The following ZNF492 variants were observed in gnomAD, a reference collection of about 807,000 sequenced individuals.
ZNF492 encodes zinc finger protein 492, also known as zinc finger protein 115 (Y20).
A neutral mutation model predicts 6.4 loss-of-function variants in ZNF492; 3 were observed. That is an observed-to-expected ratio of 0.47 (90% CI 0.21 to 1.22). The LOEUF is 1.22. Among genes scored for constraint, ZNF492 ranks in the 50% most tolerant of loss-of-function variants. The pLI, the probability that ZNF492 is intolerant of heterozygous loss-of-function variation, is 0.22. For missense variants in ZNF492, 356 were observed against 612.5 expected, an observed-to-expected ratio of 0.58 and a Z score of 4.42; for synonymous variants, 112 against 205.3, an observed-to-expected ratio of 0.55 and a Z score of 3.89.
chr19:22,667,588 G>A lies in ZNF492; in HGVS notation c.*2323G>A, dbSNP rs1172556902. The A allele has an allele frequency of 3.3e-5, 5 of 151,792 alleles. No homozygotes were observed. In the East Asian group the frequency reaches 5.8e-4, roughly 18 times the overall value. The allele number at this position is 151,792 out of a possible 1,614,324, so 9.4% of individuals were successfully genotyped here. A position where few individuals can be genotyped will look rare whatever the true frequency, so the allele number is the denominator to read the frequency against. The stretch of plus-strand genomic sequence containing the variant: ...AAATATACGATTGTTATTGACTACA[G>A]GGTTATTTTTATAATAAAAATTATA... On this transcript the variant is annotated 3_prime_UTR_variant, in exon 4 of 4. Coordinates refer to ENST00000456783, the MANE Select transcript of ZNF492 (RefSeq NM_020855.3).
chr19:22,664,673 A>G lies in ZNF492; in HGVS notation c.1004A>G (p.Lys335Arg), dbSNP rs1426977004. Reference protein sequence around the residue: ...TTHKRIHSGEKPYKCEECGKA... With the variant: ...TTHKRIHSGERPYKCEECGKA... Reference sequence around the variant, plus strand: ...CATAAGAGAATTCATTCTGGAGAGAAACCCTACAAGTGTGAAGAATGTGGC... The same window carrying G: ...CATAAGAGAATTCATTCTGGAGAGAGACCCTACAAGTGTGAAGAATGTGGC... Residue 335 changes from lysine to arginine, a missense_variant, in exon 4 of 4, where the codon AAA becomes AGA. By Grantham distance (26) the Lys-to-Arg change is conservative (BLOSUM62 2). This residue lies in a region of ZNF492 where 29 missense variants were observed against 56.8 expected (regional missense o/e 0.51). Transcript: ENST00000456783. The G allele has an allele frequency of 6.2e-7, 1 of 1,610,348 alleles. No individual in the cohort carries two copies. The highest frequency in any genetic ancestry group is 1.3e-5 in the African/African-American group (1 of 74,678).
chr19:22,663,777 T>C (rs1443999691), intron 3 of ZNF492, 23 bp from the exon 4 acceptor site: 1 of 1,469,766 alleles, frequency 6.8e-7, no homozygotes, highest in African/African-American at 1.4e-5. Context: ...AGTGAAGTAA[T>C]TTATTATTTT....
intron 3 of ZNF492, among the ~76,000 whole-genome samples, chr19:22,663,094 C>T (rs937523786): frequency 1.4e-3 from 211 of 152,182 alleles, no homozygotes; most frequent in African/African-American, 4.8e-3. Context: ...TTTAATCCAT[C>T]TTGAATTAAT....
intron 3 of ZNF492, 142 bp from the exon 4 acceptor site, chr19:22,663,658 T>C: frequency 1.3e-6 from 1 of 786,064 alleles, no homozygotes; most frequent in Non-Finnish European, 1.9e-6. Flanking sequence ...TATGCTTTTA[T>C]ATGTCTGTGA....
chr19:22,646,209 T>C (rs1251552876), intron 1 of ZNF492, among the ~76,000 whole-genome samples: 2 of 152,214 alleles, frequency 1.3e-5, no homozygotes, highest in African/African-American at 4.8e-5. Context: ...AGGAGTGGTT[T>C]GTAGTTCTCC....
Position 22,653,904 on chromosome 19 carries a change from A to G in ZNF492, c.35-16A>G. 1.9e-6 allele frequency: 3 copies of G among 1,572,268 alleles called. No individual in the cohort carries two copies. Among genetic ancestry groups the G allele is most frequent in the Non-Finnish European group, 2.6e-6 (3 of 1,166,606 alleles). ...GGAGAATATGAGCAAGATTCATGTT[A>G]TTTGTAATAAAACAGGTATTGCTGC... is the stretch of plus-strand genomic sequence containing the variant. On this transcript the variant is annotated splice_polypyrimidine_tract_variant and intron_variant, in intron 2 of 3. Transcript: ENST00000456783.
At chr19:22,635,176 A>T (rs576094646) in intron 1 of ZNF492, among the ~76,000 whole-genome samples, 1 of 151,824 alleles carries the variant, frequency 6.6e-6, no homozygotes, top group South Asian at 2.1e-4. Flanking sequence ...AAAAAAAAAA[A>T]TGCATTTGAG....
At chr19:22,636,176 G>A (rs1971760593) in intron 1 of ZNF492, among the ~76,000 whole-genome samples, 1 of 150,302 alleles carries the variant, frequency 6.7e-6, no homozygotes, top group Admixed American at 6.6e-5. Flanking sequence ...CTCGGCTCAC[G>A]GCAACCTCCG....
chr19:22,660,406 T>C (rs1276112805), intron 3 of ZNF492, among the ~76,000 whole-genome samples: 1 of 151,822 alleles, frequency 6.6e-6, no homozygotes, highest in East Asian at 1.9e-4. Context: ...CTTTTGTATA[T>C]TTGTACAGAT....
At chr19:22,637,888 T>C (rs1044899950) in intron 1 of ZNF492, among the ~76,000 whole-genome samples, 2 of 152,218 alleles carry the variant, frequency 1.3e-5, no homozygotes, top group South Asian at 2.1e-4. Context: ...GCATCTGTTA[T>C]GTTTTGACTT....
Position 22,665,400 on chromosome 19 carries a change from G to T in ZNF492, c.*135G>T. ...ACTTACACAATGCTCAAACCTTATT[G>T]CACAGGAAAGCCTTTATACTTGAGA... On this transcript the variant is annotated 3_prime_UTR_variant, in exon 4 of 4. Coordinates refer to ENST00000456783, the MANE Select transcript of ZNF492 (RefSeq NM_020855.3). 2 of 1,451,274 alleles carry T rather than the reference G, an allele frequency of 1.4e-6. No individual in the cohort carries two copies. The highest frequency in any genetic ancestry group is 2.8e-5 in the Admixed American group (1 of 35,604). 89.9% of individuals were successfully genotyped at this position (1,451,274 alleles called of 1,614,324 possible).
chr19:22,662,630 C>G (rs1209406742), intron 3 of ZNF492, among the ~76,000 whole-genome samples: 2 of 151,348 alleles, frequency 1.3e-5, no homozygotes, highest in African/African-American at 4.9e-5. Flanking sequence ...ACCATTCTAA[C>G]TGGCATGAGA....
intron 3 of ZNF492, among the ~76,000 whole-genome samples, chr19:22,655,815 TG>T (rs1396153280): frequency 0.088 from 8,412 of 95,712 alleles, 1,302 homozygotes; most frequent in Non-Finnish European, 0.099. Context: ...TTTTTCTTGT[TG>T]TTTTTTTTTT....
At chr19:22,636,927 C>G (rs1203146993) in intron 1 of ZNF492, among the ~76,000 whole-genome samples, 1 of 148,174 alleles carries the variant, frequency 6.7e-6, no homozygotes, top group Non-Finnish European at 1.5e-5. Flanking sequence ...AGCCACCACA[C>G]CCTGACCCCA....
chr19:22,661,598 CTCT>C (rs1437470496), intron 3 of ZNF492, among the ~76,000 whole-genome samples: 1 of 145,492 alleles, frequency 6.9e-6, no homozygotes, highest in Non-Finnish European at 1.5e-5. Context: ...ATTTGTGTTT[CTCT>C]TCTTTTTTTT....
intron 1 of ZNF492, among the ~76,000 whole-genome samples, chr19:22,651,082 C>G (rs1451879506): frequency 1.3e-5 from 2 of 152,094 alleles, no homozygotes; most frequent in Non-Finnish European, 2.9e-5. Flanking sequence ...TTGCACAATT[C>G]CATGGAAAAG....
intron 1 of ZNF492, among the ~76,000 whole-genome samples, chr19:22,651,837 G>A (rs2082446): frequency 0.079 from 11,895 of 149,826 alleles, 1,588 homozygotes; most frequent in African/African-American, 0.27. Flanking sequence ...TTATTACGCA[G>A]AAAGTTTAAA....
intron 3 of ZNF492, among the ~76,000 whole-genome samples, chr19:22,654,516 T>A (rs1434321698): frequency 6.6e-6 from 1 of 152,014 alleles, no homozygotes; most frequent in African/African-American, 2.4e-5. Flanking sequence ...ATGATGTTCT[T>A]CTGCTTTGTC....
At chr19:22,634,810 G>T (rs1971744069) in intron 1 of ZNF492, among the ~76,000 whole-genome samples, 2 of 152,168 alleles carry the variant, frequency 1.3e-5, no homozygotes, top group Admixed American at 1.3e-4. Context: ...CTCGGGGTGC[G>T]GGTTCACGAA....
Sources: gnomAD v4.1 joint callset for allele counts (sites outside exome capture counted in the v4.1 genomes callset) on GRCh38, gnomAD v4.1.1 for gene constraint, gnomAD v4.1.1 regional missense constraint, MANE v1.5 for transcripts, NCBI Gene and HGNC (gene_info 2026-07-23, HGNC 2026-07-21) for gene names.